The following EVC2 variants were observed in gnomAD, a reference collection of about 807,000 sequenced individuals.
The protein encoded by EVC2 is EvC ciliary complex subunit 2, also known as limbin.
In EVC2, 148 loss-of-function variants were observed where a neutral mutation model predicts 149.3. The observed-to-expected ratio is 0.99, with a 90% CI of 0.87 to 1.14. EVC2 has a LOEUF of 1.14. EVC2 is among the 50% of genes most tolerant of loss of function. EVC2 has a pLI of 0.00. For synonymous variants in EVC2, 776 were observed against 649.9 expected (o/e 1.19, Z -2.95); for missense variants, 1,854 against 1,627.3 (o/e 1.14, Z -2.40).
In EVC2 at chr4:5,618,788, C is replaced by T. The variant is rs28379106; in HGVS notation, c.2502-106G>A. 63,660 of 1,089,342 alleles carry T rather than the reference C, an allele frequency of 0.058. 4,447 individuals are homozygous for T. Among genetic ancestry groups the T allele is most frequent in the African/African-American group, 0.32 (20,379 of 63,898 alleles). 67.5% of individuals were successfully genotyped at this position (1,089,342 alleles called of 1,614,324 possible). A position where few individuals can be genotyped will look rare whatever the true frequency, so the allele number is the denominator to read the frequency against. On this transcript the variant is annotated intron_variant, in intron 14 of 21. Transcript: ENST00000344408. This position sits in a 1 kb window ranked among gnomAD's most constrained non-coding sequence, Gnocchi z 4.4. ...AGCTCATTCCTCATATCCATGTCTG[C>T]AGAAAAAGCACTGGCTCCTTAATCA... is the stretch of plus-strand genomic sequence containing the variant.
chr4:5,643,978 T>A (rs926798363), intron 9 of EVC2, among the ~76,000 whole-genome samples: 5 of 152,246 alleles, frequency 3.3e-5, no homozygotes, highest in Non-Finnish European at 1.5e-5. Flanking sequence ...TGTCTCAAAA[T>A]GTCTTTTTAC....
chr4:5,708,050 G>A, intron 1 of EVC2: 2 of 417,624 alleles, frequency 4.8e-6, no homozygotes, highest in Non-Finnish European at 8.4e-6. Flanking sequence ...TTCGAACCAG[G>A]GTCGCTGGTG....
chr4:5,687,853 T>C (rs1382446216), intron 5 of EVC2, among the ~76,000 whole-genome samples: 1 of 152,046 alleles, frequency 6.6e-6, no homozygotes, highest in Non-Finnish European at 1.5e-5. Context: ...AGGCAGAGTG[T>C]CTGGGTGACA....
At chr4:5,678,125 T>G (rs1460071286) in intron 7 of EVC2, among the ~76,000 whole-genome samples, 1 of 152,248 alleles carries the variant, frequency 6.6e-6, no homozygotes, top group Non-Finnish European at 1.5e-5. Flanking sequence ...ACATGGATTT[T>G]GGGAGGGTTT....
intron 11 of EVC2, among the ~76,000 whole-genome samples, chr4:5,631,006 A>G (rs915078315): frequency 2.0e-5 from 3 of 152,170 alleles, no homozygotes; most frequent in African/African-American, 7.2e-5. Context: ...GTGTGCATGC[A>G]CTTGTGCATG....
chr4:5,672,021 G>A (rs943065535), intron 7 of EVC2, among the ~76,000 whole-genome samples: 1 of 152,218 alleles, frequency 6.6e-6, no homozygotes, highest in African/African-American at 2.4e-5. Context: ...GGAAGAACGA[G>A]GAGGAACCAG....
chr4:5,549,685 G>A (rs1236128743), intron 21 of EVC2, among the ~76,000 whole-genome samples: 2 of 152,212 alleles, frequency 1.3e-5, no homozygotes, highest in East Asian at 3.9e-4. Context: ...CAAATACCAA[G>A]GACTTTGAGG....
chr4:5,542,454 CA>C (rs1721532056), downstream of EVC2, among the ~76,000 whole-genome samples: 1 of 152,066 alleles, frequency 6.6e-6, no homozygotes, highest in South Asian at 2.1e-4. Context: ...GACCCTGTCT[CA>C]AAAAATAATC....
Position 5,708,281 on chromosome 4 carries a change from CT to C in EVC2, c.228+4del. 6.8e-7 allele frequency: 1 copy of C among 1,479,928 alleles called. No homozygotes were observed. The highest frequency in any genetic ancestry group is 8.9e-7 in the Non-Finnish European group (1 of 1,120,726). The allele number at this position is 1,479,928 out of a possible 1,614,324, so 91.7% of individuals were successfully genotyped here. A position where few individuals can be genotyped will look rare whatever the true frequency, so the allele number is the denominator to read the frequency against. On this transcript the variant is annotated splice_donor_region_variant and intron_variant, in intron 1 of 21. Transcript: ENST00000344408. ...GACCGGAGCCTGGGGTCGGGCCCTC[CT>C]TACCTGCGTGCTGCTCTCGGGCCCC...
intron 1 of EVC2, among the ~76,000 whole-genome samples, chr4:5,706,413 C>CATATAG (rs1553854655): frequency 6.4e-5 from 1 of 15,518 alleles, no homozygotes; most frequent in African/African-American, 3.0e-4. Context: ...TAGATAGATA[C>CATATAG]ATAGATAGAT....
intron 21 of EVC2, among the ~76,000 whole-genome samples, chr4:5,555,701 C>T (rs577150487): frequency 1.3e-5 from 2 of 152,232 alleles, no homozygotes; most frequent in African/African-American, 4.8e-5. Flanking sequence ...TAGTTGGAAA[C>T]TCCAACAGCC....
chr4:5,538,474 C>A (rs947534593), downstream of EVC2, among the ~76,000 whole-genome samples: 1 of 152,080 alleles, frequency 6.6e-6, no homozygotes, highest in Non-Finnish European at 1.5e-5. Flanking sequence ...TTTTATGAGG[C>A]CAGCGATAGC....
Position 5,695,505 on chromosome 4 carries a change from C to T in EVC2, c.284-1004G>A, listed in dbSNP as rs558735777. Among the ~76,000 whole-genome samples the T allele has an allele frequency of 9.2e-5, 14 of 152,306 alleles. No homozygotes were observed. The East Asian group carries it at 2.5e-3, about 27-fold the overall frequency. ...TGTCAGGGTCCCTCTTCAGTGGATG[C>T]GGCCCAGGTGCTGATCAACTGTGGG... On this transcript the variant is annotated intron_variant, in intron 2 of 21. Transcript: ENST00000344408.
intron 17 of EVC2, among the ~76,000 whole-genome samples, chr4:5,580,608 T>A (rs1312400696): frequency 6.6e-6 from 1 of 152,150 alleles, no homozygotes; most frequent in Non-Finnish European, 1.5e-5. Context: ...TGCCCCTAAC[T>A]CACTAAATGA....
At chr4:5,530,844 CA>C in the EVC2 span, among the ~76,000 whole-genome samples, 4 of 152,118 alleles carry the variant, frequency 2.6e-5, no homozygotes, top group African/African-American at 9.7e-5. Flanking sequence ...CAGTAATTTA[CA>C]AATAAATATT....
rs917227871 is a variant in EVC2 at position 5,569,875 on chromosome 4, C to CCAT, written c.3361-1238_3361-1236dup. On this transcript the variant is annotated intron_variant, in intron 19 of 21. Coordinates refer to ENST00000344408, the MANE Select transcript of EVC2 (RefSeq NM_147127.5). This position sits in a 1 kb window ranked among gnomAD's most constrained non-coding sequence, Gnocchi z 4.8. The stretch of plus-strand genomic sequence containing the variant: ...AGCTCCTTCCACGTCCTGACGCTCC[C>CCAT]CATCCATGGCCTCCCTCCACTGTCA... Among the ~76,000 whole-genome samples the CCAT allele has an allele frequency of 3.2e-4, 49 of 152,118 alleles. No individual in the cohort carries two copies. Among genetic ancestry groups the CCAT allele is most frequent in the African/African-American group, 1.1e-3 (47 of 41,412 alleles).
intron 16 of EVC2, among the ~76,000 whole-genome samples, chr4:5,603,918 T>A (rs1308589252): frequency 5.3e-5 from 8 of 152,254 alleles, no homozygotes; most frequent in Non-Finnish European, 8.8e-5. Flanking sequence ...AAAGAGGAAC[T>A]GAAATGTCCT....
chr4:5,577,840 A>T (rs1433335015), intron 17 of EVC2, among the ~76,000 whole-genome samples: 1 of 152,176 alleles, frequency 6.6e-6, no homozygotes, highest in African/African-American at 2.4e-5. Context: ...AACACAGCCC[A>T]GTGGAGTTCC....
chr4:5,578,620 A>G (rs1337564779), intron 17 of EVC2, among the ~76,000 whole-genome samples: 1 of 152,118 alleles, frequency 6.6e-6, no homozygotes, highest in Non-Finnish European at 1.5e-5. Context: ...ATGAATACAT[A>G]CATAGATGTT....
Sources: allele counts gnomAD v4.1 joint callset (sites outside exome capture counted in the v4.1 genomes callset), GRCh38; gene constraint gnomAD v4.1.1; non-coding constraint Gnocchi (gnomAD v3.1); transcripts MANE v1.5; gene names NCBI Gene and HGNC (gene_info 2026-07-23, HGNC 2026-07-21).